RNF38: variants seen among roughly 807,000 people sequenced by gnomAD.
RNF38 encodes ring finger protein 38.
Under a neutral mutation model 67.2 loss-of-function variants are expected in RNF38, and 15 were observed. The ratio of observed to expected loss-of-function variants is 0.22; its 90% CI spans 0.15 to 0.34. The LOEUF is 0.34. Ranked by LOEUF, RNF38 falls within the 10% of genes least tolerant of loss-of-function variation. RNF38 has a pLI of 1.00. For synonymous variants in RNF38, 220 were observed against 218.8 expected (o/e 1.01, Z -0.05); for missense variants, 524 against 639.9 (o/e 0.82, Z 1.95).
rs540413273 is a variant in RNF38 at position 36,449,335 on chromosome 9, G to A, written n.242-24652C>T. 2.0e-5 allele frequency among the ~76,000 whole-genome samples: 3 copies of A among 152,090 alleles called. No individual in the cohort carries two copies. The South Asian group carries it at 6.2e-4, about 31-fold the overall frequency. On this transcript the variant is annotated intron_variant and non_coding_transcript_variant, in intron 1 of 3. Coordinates refer to the RNF38 transcript ENST00000488058. ...AATCCTAGATATTTGGGAGGCTGAG[G>A]CAGGAGGATCACTTGAGCCCAGGAG...
intron 1 of RNF38, among the ~76,000 whole-genome samples, chr9:36,460,342 A>G (rs931961228): frequency 3.3e-5 from 5 of 152,170 alleles, no homozygotes; most frequent in Non-Finnish European, 5.9e-5. Context: ...AGGAAATTCA[A>G]AAGCAGGAAT....
At chr9:36,460,786 C>A (rs1054259143) in intron 1 of RNF38, among the ~76,000 whole-genome samples, 1 of 148,402 alleles carries the variant, frequency 6.7e-6, no homozygotes, top group South Asian at 2.1e-4. Flanking sequence ...ACTCAGGAGG[C>A]TGAGGCAGAA....
intron 10 of RNF38, among the ~76,000 whole-genome samples, chr9:36,343,657 G>GA (rs1833009663): frequency 6.6e-6 from 1 of 151,854 alleles, no homozygotes; most frequent in South Asian, 2.1e-4. Context: ...TCCCAAAGTG[G>GA]AAACCCAAAT....
rs1307838394 is a variant in RNF38, at chr9:36,342,756, C to G, written c.1386-332G>C. ...ACCTCATACCATATATAAAAACTGA[C>G]TCAAATGGATCAAAAGCTTAAGTGT... On this transcript the variant is annotated intron_variant, in intron 10 of 11. Coordinates refer to ENST00000259605, the MANE Select transcript of RNF38 (RefSeq NM_022781.5). Among the ~76,000 whole-genome samples, 4 of 152,156 alleles carry G rather than the reference C, an allele frequency of 2.6e-5. No homozygotes were observed. The East Asian group carries it at 7.7e-4, about 29-fold the overall frequency.
At chr9:36,410,148 C>T (rs762176721) in intron 2 of RNF38, among the ~76,000 whole-genome samples, 4 of 152,100 alleles carry the variant, frequency 2.6e-5, no homozygotes, top group Non-Finnish European at 5.9e-5. Context: ...ACTGAAAACA[C>T]AGTGGGTCAC....
intron 1 of RNF38, among the ~76,000 whole-genome samples, chr9:36,474,039 C>A (rs1004429788): frequency 6.7e-6 from 1 of 149,656 alleles, no homozygotes; most frequent in Non-Finnish European, 1.5e-5. Context: ...ACAGACCGGG[C>A]GCGGTGGCTC....
chr9:36,376,526 C>T lies in RNF38; in HGVS notation c.163-399G>A, dbSNP rs143240640. On this transcript the variant is annotated intron_variant, in intron 2 of 11. Coordinates refer to ENST00000259605, the MANE Select transcript of RNF38 (RefSeq NM_022781.5). ...AGACATCAATTCTCAGCTGTGAGTT[C>T]AGCTTAGTAGGAGATATAATTTGAG... Among the ~76,000 whole-genome samples the T allele has an allele frequency of 2.6e-5, 4 of 152,286 alleles. No individual in the cohort carries two copies. In the East Asian group the frequency reaches 7.7e-4, roughly 29 times the overall value.
chr9:36,372,419 TTTG>T, intron 3 of RNF38: 1 of 610,738 alleles, frequency 1.6e-6, no homozygotes. Flanking sequence ...TTCACAGTTC[TTTG>T]TTTTATTGCA....
chr9:36,360,902 C>G (rs1367107231), intron 4 of RNF38, among the ~76,000 whole-genome samples: 1 of 152,118 alleles, frequency 6.6e-6, no homozygotes, highest in African/African-American at 2.4e-5. Context: ...CCTCAATCTC[C>G]TGGGGCTCAG....
intron 1 of RNF38, among the ~76,000 whole-genome samples, chr9:36,390,926 G>C (rs1376615541): frequency 6.6e-6 from 1 of 152,130 alleles, no homozygotes; most frequent in Non-Finnish European, 1.5e-5. Flanking sequence ...CTAAAGGACA[G>C]ACTTCATGCT....
intron 3 of RNF38, among the ~76,000 whole-genome samples, chr9:36,373,161 C>T (rs779798809): frequency 1.3e-5 from 2 of 152,100 alleles, no homozygotes; most frequent in Admixed American, 1.3e-4. Context: ...GAGCCGAGAT[C>T]GCACCATTGC....
chr9:36,347,567 A>G lies in RNF38; in HGVS notation c.1264-2614T>C, dbSNP rs1014908578. 2.0e-5 allele frequency among the ~76,000 whole-genome samples: 3 copies of G among 152,186 alleles called. No individual in the cohort carries two copies. The South Asian group carries it at 6.2e-4, about 31-fold the overall frequency. On this transcript the variant is annotated intron_variant, in intron 9 of 11. Transcript: ENST00000259605. ...ATTGCACTTGTTTTGTGGTACCACA[A>G]ACTGTACTTGTATAAGACAGAAAAC... is the stretch of plus-strand genomic sequence containing the variant.
intron 2 of RNF38, among the ~76,000 whole-genome samples, chr9:36,413,226 T>A (rs1838374829): frequency 6.7e-6 from 1 of 149,428 alleles, no homozygotes; most frequent in African/African-American, 2.5e-5. Flanking sequence ...CAAGACTCCA[T>A]CTCAATTTAA....
At chr9:36,388,679 T>C (rs1034456394) in intron 2 of RNF38, among the ~76,000 whole-genome samples, 2 of 152,072 alleles carry the variant, frequency 1.3e-5, no homozygotes, top group African/African-American at 4.8e-5. Context: ...CTAGAGAAGG[T>C]TGATGTCCTC....
chr9:36,381,552 A>AC, intron 2 of RNF38, among the ~76,000 whole-genome samples: 1 of 152,246 alleles, frequency 6.6e-6, no homozygotes, highest in East Asian at 1.9e-4. Context: ...TAACTCACAC[A>AC]CCCCTACAGG....
chr9:36,402,683 C>A (rs1240658599), upstream of RNF38, among the ~76,000 whole-genome samples: 1 of 152,054 alleles, frequency 6.6e-6, no homozygotes. Context: ...AACTCAGCAG[C>A]AAAAATCTAT....
chr9:36,443,155 G>A (rs1444740594), intron 1 of RNF38, among the ~76,000 whole-genome samples: 2 of 152,146 alleles, frequency 1.3e-5, no homozygotes, highest in African/African-American at 4.8e-5. Flanking sequence ...TAATATGTTT[G>A]TTATCTCCAC....
intron 1 of RNF38, among the ~76,000 whole-genome samples, chr9:36,460,885 CAAAAAAAAAAA>C (rs752827635): frequency 3.4e-4 from 18 of 52,960 alleles, no homozygotes; most frequent in Non-Finnish European, 5.4e-4. Flanking sequence ...GAAACTCTCT[CAAAAAAAAAAA>C]AAAAAAAAAA....
chr9:36,418,444 G>A (rs1028799898), intron 2 of RNF38, among the ~76,000 whole-genome samples: 1 of 151,904 alleles, frequency 6.6e-6, no homozygotes, highest in Non-Finnish European at 1.5e-5. Context: ...CTTGAGGACA[G>A]GAGCTGAAGA....
Sources: allele counts gnomAD v4.1 joint callset (sites outside exome capture counted in the v4.1 genomes callset), GRCh38; gene constraint gnomAD v4.1.1; transcripts MANE v1.5; gene names NCBI Gene and HGNC (gene_info 2026-07-23, HGNC 2026-07-21).